SLC9B1: variants seen among roughly 807,000 people sequenced by gnomAD.
SLC9B1 encodes sodium/hydrogen exchanger 9B1.
In SLC9B1, 32 loss-of-function variants were observed where a neutral mutation model predicts 51.7. The observed-to-expected ratio is 0.62, with a 90% CI of 0.47 to 0.83. The LOEUF (loss-of-function observed/expected upper bound fraction) is 0.83, where lower values mean the gene tolerates loss of function less well. SLC9B1 is among the 40% of genes least tolerant of loss of function. The probability of loss-of-function intolerance (pLI) is 0.00; values close to 1 mark genes in which losing one functional copy is unlikely to be tolerated. For missense variants in SLC9B1, 406 were observed against 613.2 expected (o/e 0.66, Z 3.57); for synonymous variants, 145 against 212.7 (o/e 0.68, Z 2.77).
At chr4:102,923,527 A>G (rs1327422149) in intron 7 of SLC9B1, among the ~76,000 whole-genome samples, 7 of 152,100 alleles carry the variant, frequency 4.6e-5, no homozygotes, top group Non-Finnish European at 1.0e-4. Flanking sequence ...CTCTCTCATC[A>G]CTCCTATTCA....
intron 3 of SLC9B1, among the ~76,000 whole-genome samples, chr4:102,965,793 A>C (rs528607631): frequency 5.2e-4 from 79 of 151,484 alleles, no homozygotes; most frequent in Admixed American, 1.9e-3. Flanking sequence ...ATAAAAAAAA[A>C]AACAACAAGT....
intron 7 of SLC9B1, among the ~76,000 whole-genome samples, chr4:102,929,815 C>CCCGG (rs1473508677): frequency 1.3e-5 from 2 of 152,308 alleles, no homozygotes; most frequent in East Asian, 3.9e-4. Context: ...AGCCATTGGG[C>CCCGG]CCGGCCTGGA....
intron 1 of SLC9B1, among the ~76,000 whole-genome samples, chr4:102,994,154 T>C (rs980649902): frequency 1.3e-5 from 2 of 152,164 alleles, no homozygotes; most frequent in African/African-American, 2.4e-5. Flanking sequence ...CAGAAAATGT[T>C]TTTTTTTCTA....
At chr4:102,980,356 C>G (rs1292987483) in intron 3 of SLC9B1, among the ~76,000 whole-genome samples, 1 of 152,118 alleles carries the variant, frequency 6.6e-6, no homozygotes, top group Non-Finnish European at 1.5e-5. Context: ...AAATGCCCAT[C>G]AATGATAGAC....
At chr4:102,975,586 A>ATTTTTTTTTTTTTTTTTT (rs1197166005) in intron 3 of SLC9B1, among the ~76,000 whole-genome samples, 1 of 62,304 alleles carries the variant, frequency 1.6e-5, no homozygotes, top group Non-Finnish European at 2.7e-5. Flanking sequence ...ATATATATAT[A>ATTTTTTTTTTTTTTTTTT]TTTTTTTTTT....
intron 3 of SLC9B1, among the ~76,000 whole-genome samples, chr4:102,976,168 G>A (rs1357408336): frequency 1.3e-5 from 2 of 152,180 alleles, no homozygotes; most frequent in Non-Finnish European, 2.9e-5. Flanking sequence ...GATGCAGACA[G>A]AAACGTTCAC....
At chr4:102,943,377 C>T (rs969854415) in intron 6 of SLC9B1, among the ~76,000 whole-genome samples, 18 of 152,082 alleles carry the variant, frequency 1.2e-4, no homozygotes, top group African/African-American at 3.1e-4. Context: ...CACTTGCACA[C>T]GCATGTTTAT....
chr4:102,961,003 A>G (rs1020040360), intron 3 of SLC9B1, among the ~76,000 whole-genome samples: 2 of 152,188 alleles, frequency 1.3e-5, no homozygotes, highest in Non-Finnish European at 2.9e-5. Flanking sequence ...AAGTGCTGGG[A>G]TTACAGGCAT....
chr4:102,915,314 T>G (rs1233549097), intron 7 of SLC9B1, among the ~76,000 whole-genome samples: 1 of 152,202 alleles, frequency 6.6e-6, no homozygotes, highest in Non-Finnish European at 1.5e-5. Flanking sequence ...ATAAACTTCT[T>G]TGGTAAAGGT....
At chr4:102,896,442 C>G (rs1325746773), downstream of SLC9B1, among the ~76,000 whole-genome samples, 1 of 151,738 alleles carries the variant, frequency 6.6e-6, no homozygotes, top group South Asian at 2.1e-4. Flanking sequence ...AATGTAGTCT[C>G]AAAATAAATA....
chr4:102,984,471 A>G (rs1307859027), intron 3 of SLC9B1, among the ~76,000 whole-genome samples: 1 of 152,100 alleles, frequency 6.6e-6, no homozygotes, highest in East Asian at 1.9e-4. Flanking sequence ...GTTATCTAGA[A>G]GTGTGTTGTT....
chr4:102,991,024 A>G (rs999210393), intron 2 of SLC9B1, among the ~76,000 whole-genome samples: 5 of 152,036 alleles, frequency 3.3e-5, no homozygotes, highest in African/African-American at 1.2e-4. Context: ...GAGTAAAACC[A>G]TATTATTTTA....
chr4:102,918,789 G>T lies in SLC9B1; in HGVS notation c.830-7252C>A, dbSNP rs531182926. Reference sequence around the variant, plus strand: ...TAAATCTTGGACTTCTCACATTCCAGAACGCAAGAAATAAATTTCTGTTGT... The same window carrying T: ...TAAATCTTGGACTTCTCACATTCCATAACGCAAGAAATAAATTTCTGTTGT... On this transcript the variant is annotated intron_variant, in intron 7 of 11. Coordinates refer to ENST00000296422, the MANE Select transcript of SLC9B1 (RefSeq NM_139173.4). Among the ~76,000 whole-genome samples, 5 of 152,314 alleles carry T rather than the reference G, an allele frequency of 3.3e-5. No homozygotes were observed. In the South Asian group the frequency reaches 1.0e-3, roughly 32 times the overall value.
chr4:102,934,971 T>C (rs9307281), intron 6 of SLC9B1, among the ~76,000 whole-genome samples: 83,132 of 151,892 alleles, frequency 0.55, 23,327 homozygotes, highest in African/African-American at 0.68. Flanking sequence ...CCCCTTTTTT[T>C]CTTTTTCATT....
chr4:103,013,142 T>C (rs534165262), intron 1 of SLC9B1, among the ~76,000 whole-genome samples: 1 of 152,370 alleles, frequency 6.6e-6, no homozygotes, highest in South Asian at 2.1e-4. Context: ...AGGTTTGCTA[T>C]ACATGGAATC....
intron 3 of SLC9B1, among the ~76,000 whole-genome samples, chr4:102,963,519 T>C (rs1334078649): frequency 6.6e-6 from 1 of 152,236 alleles, no homozygotes; most frequent in African/African-American, 2.4e-5. Context: ...TGTTGACTGT[T>C]GTATGCCCAC....
chr4:102,926,722 T>G (rs535385845), intron 7 of SLC9B1, among the ~76,000 whole-genome samples: 3 of 152,328 alleles, frequency 2.0e-5, no homozygotes, highest in African/African-American at 7.2e-5. Context: ...ACTAATGACT[T>G]TCTTCACAGA....
At chr4:102,951,958 A>ATTTTT (rs1410808257) in intron 3 of SLC9B1, among the ~76,000 whole-genome samples, 953 of 8,212 alleles carry the variant, frequency 0.12, 287 homozygotes, top group African/African-American at 0.42. Context: ...CAAAAATAAA[A>ATTTTT]TCTTTTTTTT....
intron 7 of SLC9B1, among the ~76,000 whole-genome samples, chr4:102,931,175 G>A (rs1258353647): frequency 2.5e-4 from 37 of 150,174 alleles, no homozygotes; most frequent in African/African-American, 7.6e-4. Flanking sequence ...GCAGTGAGCC[G>A]AGATTGTGCC....
Sources: gnomAD v4.1 joint callset for allele counts (sites outside exome capture counted in the v4.1 genomes callset) on GRCh38, gnomAD v4.1.1 for gene constraint, MANE v1.5 for transcripts, NCBI Gene and HGNC (gene_info 2026-07-23, HGNC 2026-07-21) for gene names.